Variants in KIRREL3 observed in about 807,000 individuals in gnomAD.
KIRREL3 encodes kin of IRRE-like protein 3.
In KIRREL3, 36 loss-of-function variants were observed where a neutral mutation model predicts 89.7. The ratio of observed to expected loss-of-function variants is 0.40; its 90% CI spans 0.31 to 0.53. The LOEUF (loss-of-function observed/expected upper bound fraction) is 0.53, where lower values mean the gene tolerates loss of function less well. KIRREL3 is among the 20% of genes least tolerant of loss of function. The pLI is 0.49. For missense variants in KIRREL3, 864 were observed against 1,056.6 expected, an observed-to-expected ratio of 0.82 and a Z score of 2.53; for synonymous variants, 445 against 441.4, an observed-to-expected ratio of 1.01 and a Z score of -0.10.
intron 4 of KIRREL3, among the ~76,000 whole-genome samples, chr11:126,499,208 A>C (rs1490510914): frequency 6.6e-6 from 1 of 151,472 alleles, no homozygotes; most frequent in East Asian, 1.9e-4. Context: ...TTCTGCTGGA[A>C]TCGTCATTGC....
In KIRREL3 at chr11:126,991,761, A is replaced by G. The variant is rs1274594884; in HGVS notation, c.55+8694T>C. Among the ~76,000 whole-genome samples the G allele has an allele frequency of 1.3e-5, 2 of 152,200 alleles. No individual in the cohort carries two copies. Among genetic ancestry groups the G allele is most frequent in the African/African-American group, 4.8e-5 (2 of 41,448 alleles). ...CTAAAATCCTTTTCCAGTCCTAGACACTGGGGATTGCCACAAATTATAAGA... is the reference window on the plus strand; with the variant it reads ...CTAAAATCCTTTTCCAGTCCTAGACGCTGGGGATTGCCACAAATTATAAGA... On this transcript the variant is annotated intron_variant, in intron 1 of 16. Transcript: ENST00000525144. The surrounding 1 kb of genome is among the most constrained non-coding windows in gnomAD (Gnocchi z 5.8).
At chr11:126,435,346 G>GTA in intron 12 of KIRREL3, 43 bp from the exon 13 acceptor site, 1 of 1,610,960 alleles carries the variant, frequency 6.2e-7, no homozygotes, top group Non-Finnish European at 8.5e-7. Flanking sequence ...GGGCCTGGCT[G>GTA]GCCAGGGTGG....
In KIRREL3 at chr11:126,892,934, T is replaced by C. The variant is rs1178991199; in HGVS notation, c.55+107521A>G. Among the ~76,000 whole-genome samples the C allele has an allele frequency of 6.6e-6, 1 of 152,226 alleles. No individual in the cohort carries two copies. The highest frequency in any genetic ancestry group is 1.5e-5 in the Non-Finnish European group (1 of 68,046). ...TCCCTGCTGCAGAATCGGGCTAGGA[T>C]AGGGCTGAGTATTCTAATTGCCTGT... is the stretch of plus-strand genomic sequence containing the variant. On this transcript the variant is annotated intron_variant, in intron 1 of 16. Transcript: ENST00000525144. The surrounding 1 kb of genome is among the most constrained non-coding windows in gnomAD (Gnocchi z 5.4).
At chr11:126,967,818 G>C (rs1477074578) in intron 1 of KIRREL3, among the ~76,000 whole-genome samples, 1 of 152,034 alleles carries the variant, frequency 6.6e-6, no homozygotes, top group East Asian at 1.9e-4. Flanking sequence ...CAGCTGGGGA[G>C]GGGGCTTGCT....
Position 126,485,918 on chromosome 11 carries a change from C to T in KIRREL3, c.434-12452G>A, listed in dbSNP as rs980088813. 4.6e-5 allele frequency among the ~76,000 whole-genome samples: 7 copies of T among 152,214 alleles called. No homozygotes were observed. The highest frequency in any genetic ancestry group is 1.0e-4 in the Non-Finnish European group (7 of 68,040). ...AGACCCCAAGGGAGGGAGGGCTAGT[C>T]CAGTGGGCCAGGGAAAGGGAGCCAG... On this transcript the variant is annotated intron_variant, in intron 4 of 16. Coordinates refer to ENST00000525144, the MANE Select transcript of KIRREL3 (RefSeq NM_032531.4). The surrounding 1 kb of genome is among the most constrained non-coding windows in gnomAD (Gnocchi z 5.8).
chr11:126,591,406 G>A (rs923700939), intron 1 of KIRREL3, among the ~76,000 whole-genome samples: 2 of 152,218 alleles, frequency 1.3e-5, no homozygotes, highest in African/African-American at 4.8e-5. Flanking sequence ...TCTGGTGGGA[G>A]GTTTGTGCAA....
At chr11:126,732,893 T>C (rs1423382817) in intron 1 of KIRREL3, among the ~76,000 whole-genome samples, 1 of 152,224 alleles carries the variant, frequency 6.6e-6, no homozygotes, top group Non-Finnish European at 1.5e-5. Context: ...TAAAGAATAA[T>C]GCTTAAGTGT....
intron 2 of KIRREL3, among the ~76,000 whole-genome samples, chr11:126,556,714 A>C (rs992380104): frequency 6.6e-6 from 1 of 152,166 alleles, no homozygotes; most frequent in African/African-American, 2.4e-5. Flanking sequence ...GGTAGGAGGT[A>C]GGAAAGGTGG....
intron 1 of KIRREL3, among the ~76,000 whole-genome samples, chr11:126,762,854 C>T (rs1949706567): frequency 6.6e-6 from 1 of 152,122 alleles, no homozygotes; most frequent in African/African-American, 2.4e-5. Flanking sequence ...TGGCTTAATG[C>T]CAAGTGGGGT....
At chr11:126,493,532 G>A (rs547739343) in intron 4 of KIRREL3, among the ~76,000 whole-genome samples, 1 of 151,834 alleles carries the variant, frequency 6.6e-6, no homozygotes, top group South Asian at 2.1e-4. Flanking sequence ...GTGGGTGCCT[G>A]TAGTCCCAGC....
intron 1 of KIRREL3, among the ~76,000 whole-genome samples, chr11:126,821,881 G>A (rs753259853): frequency 4.3e-4 from 66 of 152,278 alleles, no homozygotes; most frequent in African/African-American, 1.4e-3. Flanking sequence ...GGTGGAAAAG[G>A]CATGGAAGCA....
At position 126,715,038 on chromosome 11, in the gene KIRREL3, T is replaced by C. The variant is rs1306771802; in HGVS notation, c.56-152126A>G. 6.6e-6 allele frequency among the ~76,000 whole-genome samples: 1 copy of C among 152,216 alleles called. No homozygotes were observed. The highest frequency in any genetic ancestry group is 1.5e-5 in the Non-Finnish European group (1 of 68,036). On this transcript the variant is annotated intron_variant, in intron 1 of 16. Transcript: ENST00000525144. This position sits in a 1 kb window ranked among gnomAD's most constrained non-coding sequence, Gnocchi z 4.4. ...TCAGATTCTAAACTCACACCCCACC[T>C]TTCTGTGTGGCTGCATGGCTGGGGA...
rs190265491 is a variant in KIRREL3 at position 126,622,040 on chromosome 11, C to T, written c.56-59128G>A. Among the ~76,000 whole-genome samples, 1 of 152,238 alleles carries T rather than the reference C, an allele frequency of 6.6e-6. No homozygotes were observed. The highest frequency in any genetic ancestry group is 1.5e-5 in the Non-Finnish European group (1 of 68,018). ...GTATTTCTGGACAGTTGAGGTGCTG[C>T]CCATGGGCTGGGTGAATGGTGGTGG... On this transcript the variant is annotated intron_variant, in intron 1 of 16. Coordinates refer to ENST00000525144, the MANE Select transcript of KIRREL3 (RefSeq NM_032531.4). This position sits in a 1 kb window ranked among gnomAD's most constrained non-coding sequence, Gnocchi z 5.2.
rs2135085768 is a variant in KIRREL3, at chr11:126,677,865, C to T, written c.56-114953G>A. Among the ~76,000 whole-genome samples the T allele has an allele frequency of 6.6e-6, 1 of 152,212 alleles. No homozygotes were observed. The highest frequency in any genetic ancestry group is 1.5e-5 in the Non-Finnish European group (1 of 67,994). ...GCCTGAGCCCTCAGATACCTGGTGC[C>T]CTGGGAATGTTCCCAACCAGATGAT... On this transcript the variant is annotated intron_variant, in intron 1 of 16. Coordinates refer to ENST00000525144, the MANE Select transcript of KIRREL3 (RefSeq NM_032531.4). The surrounding 1 kb of genome is among the most constrained non-coding windows in gnomAD (Gnocchi z 5.1).
chr11:126,437,958 T>C (rs1358609929), intron 11 of KIRREL3, among the ~76,000 whole-genome samples: 1 of 152,112 alleles, frequency 6.6e-6, no homozygotes, highest in Admixed American at 6.5e-5. Context: ...ACACATGCCA[T>C]GACACATGTA....
chr11:126,711,678 C>T (rs1413275969), intron 1 of KIRREL3, among the ~76,000 whole-genome samples: 1 of 152,204 alleles, frequency 6.6e-6, no homozygotes, highest in Non-Finnish European at 1.5e-5. Context: ...GTCCAGTTCC[C>T]TAGAAATTCT....
chr11:126,517,161 AGAGAGAGAGAC>A (rs1958441641), intron 4 of KIRREL3, among the ~76,000 whole-genome samples: 3 of 151,974 alleles, frequency 2.0e-5, no homozygotes, highest in African/African-American at 7.2e-5. Context: ...AGAGAGAGAG[AGAGAGAGAGAC>A]AGAGTGTTTA....
intron 1 of KIRREL3, among the ~76,000 whole-genome samples, chr11:126,980,858 A>C (rs1273727560): frequency 6.6e-6 from 1 of 152,210 alleles, no homozygotes; most frequent in African/African-American, 2.4e-5. Flanking sequence ...CAGGAAAATC[A>C]ACAACTCACA....
chr11:126,519,277 G>A lies in KIRREL3; in HGVS notation c.433+2038C>T, dbSNP rs927509762. On this transcript the variant is annotated intron_variant, in intron 4 of 16. Transcript: ENST00000525144. The surrounding 1 kb of genome is among the most constrained non-coding windows in gnomAD (Gnocchi z 4.3). ...CTCTGAGAAGCCTGGCCCCTCACCA[G>A]CCAGACAGATGAGATGCTGCTGGCA... is the stretch of plus-strand genomic sequence containing the variant. Among the ~76,000 whole-genome samples the A allele has an allele frequency of 6.6e-6, 1 of 152,162 alleles. No homozygotes were observed. The highest frequency in any genetic ancestry group is 6.5e-5 in the Admixed American group (1 of 15,288).
Sources: allele counts gnomAD v4.1 joint callset (sites outside exome capture counted in the v4.1 genomes callset), GRCh38; gene constraint gnomAD v4.1.1; non-coding constraint Gnocchi (gnomAD v3.1); transcripts MANE v1.5; gene names NCBI Gene and HGNC (gene_info 2026-07-23, HGNC 2026-07-21).